PLCB4: variants seen among roughly 807,000 people sequenced by gnomAD.
PLCB4 encodes the protein 1-phosphatidylinositol 4,5-bisphosphate phosphodiesterase beta-4.
PLCB4 carries 77 observed loss-of-function variants against 178.8 expected under a neutral mutation model. The ratio of observed to expected loss-of-function variants is 0.43; its 90% confidence interval spans 0.36 to 0.52. The LOEUF (loss-of-function observed/expected upper bound fraction) is 0.52. PLCB4 is among the 20% of genes least tolerant of loss of function. PLCB4 has a pLI of 0.00. For missense variants in PLCB4, 1,024 were observed against 1,453.4 expected, an observed-to-expected ratio of 0.70 and a Z score of 4.80; for synonymous variants, 496 against 490.8, an observed-to-expected ratio of 1.01 and a Z score of -0.14.
chr20:9,400,753 C>CT lies in PLCB4; in HGVS notation c.1511-729dup, dbSNP rs201158643. 2.2e-3 allele frequency among the ~76,000 whole-genome samples: 329 copies of CT among 152,182 alleles called. 2 individuals are homozygous for CT. The highest frequency in any genetic ancestry group is 3.4e-3 in the Non-Finnish European group (234 of 67,994). Reference sequence around the variant, plus strand: ...GTTGCACATTTTCCAGCAGGTACTTCTTTTTTTTCCCCACGAACATCCTGG... The same window carrying CT: ...GTTGCACATTTTCCAGCAGGTACTTCTTTTTTTTTCCCCACGAACATCCTGG... On this transcript the variant is annotated intron_variant, in intron 19 of 39. Coordinates refer to ENST00000378473, the MANE Select transcript of PLCB4 (RefSeq NM_001377142.1).
chr20:9,161,786 G>T (rs2092892036), intron 2 of PLCB4, among the ~76,000 whole-genome samples: 1 of 152,080 alleles, frequency 6.6e-6, no homozygotes, highest in Non-Finnish European at 1.5e-5. Context: ...TAACTTGAAA[G>T]GTAACTGCTT....
chr20:9,327,941 T>C (rs1011575518), intron 4 of PLCB4, among the ~76,000 whole-genome samples: 1 of 152,178 alleles, frequency 6.6e-6, no homozygotes, highest in Non-Finnish European at 1.5e-5. Flanking sequence ...TCTAACCACA[T>C]TTGGATCAGG....
intron 2 of PLCB4, among the ~76,000 whole-genome samples, chr20:9,169,131 G>A (rs1166606997): frequency 6.6e-6 from 1 of 152,162 alleles, no homozygotes; most frequent in African/African-American, 2.4e-5. Context: ...AATCTGGCTT[G>A]CAGGTGCTCC....
intron 4 of PLCB4, among the ~76,000 whole-genome samples, chr20:9,310,609 G>C (rs1301800718): frequency 1.3e-5 from 2 of 152,084 alleles, no homozygotes; most frequent in African/African-American, 4.8e-5. Context: ...CTACTTGGGA[G>C]GCTGAGGCAG....
At chr20:9,233,579 G>T (rs569160885) in intron 3 of PLCB4, among the ~76,000 whole-genome samples, 1 of 152,256 alleles carries the variant, frequency 6.6e-6, no homozygotes, top group African/African-American at 2.4e-5. Context: ...TACTATGAAG[G>T]TAATGTTTGA....
intron 2 of PLCB4, among the ~76,000 whole-genome samples, chr20:9,214,578 C>A (rs1401928729): frequency 6.6e-6 from 1 of 151,854 alleles, no homozygotes; most frequent in Non-Finnish European, 1.5e-5. Flanking sequence ...CACACACACA[C>A]ACACACACAC....
At chr20:9,466,047 A>G (rs1009287747) in intron 35 of PLCB4, among the ~76,000 whole-genome samples, 1 of 152,236 alleles carries the variant, frequency 6.6e-6, no homozygotes, top group Non-Finnish European at 1.5e-5. Context: ...CTACAAGGCT[A>G]CAGTAACCAA....
At chr20:9,270,384 T>C (rs2094391240) in intron 3 of PLCB4, among the ~76,000 whole-genome samples, 1 of 152,150 alleles carries the variant, frequency 6.6e-6, no homozygotes. Flanking sequence ...ATATTCTCCA[T>C]CACTACTAGC....
chr20:9,258,220 AG>A (rs757439318), intron 3 of PLCB4, among the ~76,000 whole-genome samples: 2 of 152,212 alleles, frequency 1.3e-5, no homozygotes, highest in African/African-American at 4.8e-5. Flanking sequence ...TTTCCATCTG[AG>A]TTGGAAAATT....
At chr20:9,418,845 A>G (rs1440974317) in intron 25 of PLCB4, among the ~76,000 whole-genome samples, 1 of 152,118 alleles carries the variant, frequency 6.6e-6, no homozygotes, top group Non-Finnish European at 1.5e-5. Flanking sequence ...ATTTTTTTAA[A>G]CAGTGTTTTG....
At chr20:9,379,811 AG>A (rs2036984826) in intron 12 of PLCB4, among the ~76,000 whole-genome samples, 1 of 152,160 alleles carries the variant, frequency 6.6e-6, no homozygotes, top group African/African-American at 2.4e-5. Context: ...CAACTTTTGA[AG>A]GGGAAAAAAT....
chr20:9,293,489 G>GAGGAAGGA (rs55792615), intron 3 of PLCB4, among the ~76,000 whole-genome samples: 2 of 150,404 alleles, frequency 1.3e-5, no homozygotes, highest in Non-Finnish European at 3.0e-5. Context: ...AAGAGGACGA[G>GAGGAAGGA]AGGAAGGAAG....
At chr20:9,301,272 G>A (rs2094699765) in intron 3 of PLCB4, among the ~76,000 whole-genome samples, 1 of 151,732 alleles carries the variant, frequency 6.6e-6, no homozygotes, top group South Asian at 2.1e-4. Context: ...ATCTTTTGGG[G>A]GCCATTTATT....
chr20:9,179,374 C>T (rs754955737), intron 2 of PLCB4, among the ~76,000 whole-genome samples: 136 of 152,046 alleles, frequency 8.9e-4, no homozygotes, highest in Non-Finnish European at 1.8e-3. Flanking sequence ...TTCCTTGGCT[C>T]ATGGCCCCAT....
Position 9,479,579 on chromosome 20 carries a change from C to A in PLCB4, c.*570C>A, listed in dbSNP as rs1286631020. On this transcript the variant is annotated 3_prime_UTR_variant, in exon 40 of 40. Transcript: ENST00000378473. ...GTAAAAGTTGTGGAAATTGTTAGAACAATAGAAAAATAGAGCAGTGTATGT... is the reference window on the plus strand; with the variant it reads ...GTAAAAGTTGTGGAAATTGTTAGAAAAATAGAAAAATAGAGCAGTGTATGT... 1.3e-5 allele frequency: 2 copies of A among 154,234 alleles called. No individual in the cohort carries two copies. The highest frequency in any genetic ancestry group is 2.9e-5 in the Non-Finnish European group (2 of 69,208). The allele number at this position is 154,234 out of a possible 1,614,324, so 9.6% of individuals were successfully genotyped here.
Position 9,298,828 on chromosome 20 carries a change from G to A in PLCB4, c.-15-8972G>A, listed in dbSNP as rs115698543. Among the ~76,000 whole-genome samples, 395 of 152,056 alleles carry A rather than the reference G, an allele frequency of 2.6e-3. 1 individual carries two copies. The highest frequency in any genetic ancestry group is 9.2e-3 in the African/African-American group (380 of 41,530). ...AGGCAGGGACAAATAGCGAATGCTT[G>A]CTTTCTGTTTTTATTTTATTCCTGT... On this transcript the variant is annotated intron_variant, in intron 3 of 39. Coordinates refer to ENST00000378473, the MANE Select transcript of PLCB4 (RefSeq NM_001377142.1).
At chr20:9,254,450 T>C (rs377035630) in intron 3 of PLCB4, among the ~76,000 whole-genome samples, 13 of 152,298 alleles carry the variant, frequency 8.5e-5, no homozygotes, top group African/African-American at 3.1e-4. Context: ...ACCCCAGCAC[T>C]TCGGGAGGCC....
intron 2 of PLCB4, among the ~76,000 whole-genome samples, chr20:9,174,199 C>T (rs917557021): frequency 3.9e-5 from 6 of 152,070 alleles, no homozygotes; most frequent in African/African-American, 1.4e-4. Flanking sequence ...AGTTCAGTGG[C>T]GTGATCATGG....
intron 3 of PLCB4, among the ~76,000 whole-genome samples, chr20:9,227,555 C>T (rs1391550715): frequency 6.6e-6 from 1 of 152,066 alleles, no homozygotes; most frequent in Admixed American, 6.6e-5. Flanking sequence ...CCAGTTGCCC[C>T]AGCACCATTT....
Sources: allele counts gnomAD v4.1 joint callset (sites outside exome capture counted in the v4.1 genomes callset), GRCh38; gene constraint gnomAD v4.1.1; transcripts MANE v1.5; gene names NCBI Gene and HGNC (gene_info 2026-07-23, HGNC 2026-07-21).